Variants in THOC1 observed in about 807,000 individuals in gnomAD.
THOC1 encodes THO complex 1.
Under a neutral mutation model 97.3 loss-of-function variants are expected in THOC1, and 29 were observed. The ratio of observed to expected loss-of-function variants is 0.30; its 90% CI spans 0.22 to 0.41. The LOEUF (loss-of-function observed/expected upper bound fraction) is 0.41, where lower values mean the gene tolerates loss of function less well. THOC1 is among the 10% of genes least tolerant of loss of function. THOC1 has a pLI of 1.00. For missense variants in THOC1, 529 were observed against 761.9 expected (o/e 0.69, Z 3.60); for synonymous variants, 255 against 257.0 (o/e 0.99, Z 0.07).
In THOC1 at chr18:242,000, A is replaced by AC. The variant is rs1296405003; in HGVS notation, c.918+4323dup. Among the ~76,000 whole-genome samples the AC allele has an allele frequency of 1.2e-4, 19 of 152,202 alleles. 1 individual carries two copies. Among genetic ancestry groups the AC allele is most frequent in the Admixed American group, 9.2e-4 (14 of 15,288 alleles). On this transcript the variant is annotated intron_variant, in intron 11 of 20. Coordinates refer to ENST00000261600, the MANE Select transcript of THOC1 (RefSeq NM_005131.3). ...TTTGCTCTGCTAAAAAGGGAACTAT[A>AC]CTGTTGGGCACTAGTATTCAGAATC...
rs1911945325 is a variant in THOC1 at position 242,570 on chromosome 18, C to T, written c.918+3754G>A. 6.6e-6 allele frequency among the ~76,000 whole-genome samples: 1 copy of T among 152,178 alleles called. No homozygotes were observed. The highest frequency in any genetic ancestry group is 1.5e-5 in the Non-Finnish European group (1 of 68,036). On this transcript the variant is annotated intron_variant, in intron 11 of 20. Coordinates refer to ENST00000261600, the MANE Select transcript of THOC1 (RefSeq NM_005131.3). The surrounding 1 kb of genome is among the most constrained non-coding windows in gnomAD (Gnocchi z 4.5). ...GGATAATATTCCCATTGGATGGGGT[C>T]ACGGCTCTATTACAGAGATGAAAGA... is the stretch of plus-strand genomic sequence containing the variant.
Position 251,121 on chromosome 18 carries a change from C to T in THOC1, c.677+1418G>A, listed in dbSNP as rs564009385. 6.6e-5 allele frequency among the ~76,000 whole-genome samples: 10 copies of T among 152,264 alleles called. 1 individual carries two copies. In the East Asian group the frequency reaches 1.2e-3, roughly 18 times the overall value. The stretch of plus-strand genomic sequence containing the variant: ...GCCTTAATAGACTATTTCTGATCAT[C>T]GTCTTATTTAATCCTCTTAACTGTA... On this transcript the variant is annotated intron_variant, in intron 9 of 20. Coordinates refer to ENST00000261600, the MANE Select transcript of THOC1 (RefSeq NM_005131.3).
rs1231955436 is a variant in THOC1 at position 242,446 on chromosome 18, A to AG, written c.918+3877_918+3878insC. ...TGGGCCAAAAAAAAAGTGTCTCAAA[A>AG]AAAAAAAAAAAGTTTGTATCATCCT... On this transcript the variant is annotated intron_variant, in intron 11 of 20. Transcript: ENST00000261600. This position sits in a 1 kb window ranked among gnomAD's most constrained non-coding sequence, Gnocchi z 4.5. Among the ~76,000 whole-genome samples, 3 of 152,018 alleles carry AG rather than the reference A, an allele frequency of 2.0e-5. No homozygotes were observed. The highest frequency in any genetic ancestry group is 1.3e-4 in the Admixed American group (2 of 15,276).
intron 11 of THOC1, among the ~76,000 whole-genome samples, chr18:238,542 C>T (rs1157039996): frequency 6.6e-6 from 1 of 152,176 alleles, no homozygotes; most frequent in African/African-American, 2.4e-5. Flanking sequence ...TCCTGGGCTA[C>T]GAACCTGTAG....
intron 11 of THOC1, among the ~76,000 whole-genome samples, chr18:240,447 TTCTA>T (rs199878891): frequency 3.6e-4 from 55 of 152,336 alleles, no homozygotes; most frequent in African/African-American, 1.0e-3. Flanking sequence ...TAAAGAACTG[TTCTA>T]TCTGTCAGGA....
chr18:226,676 C>A, intron 12 of THOC1, 125 bp downstream of exon 12: 1 of 624,312 alleles, frequency 1.6e-6, no homozygotes, highest in Admixed American at 3.0e-5. Context: ...GTATCAGCTG[C>A]AATACATGTG....
At chr18:243,465 G>C (rs890449632) in intron 11 of THOC1, among the ~76,000 whole-genome samples, 2 of 151,912 alleles carry the variant, frequency 1.3e-5, no homozygotes, top group African/African-American at 4.8e-5. Context: ...TTAAACCCAG[G>C]TGGCAGAGGT....
In THOC1 at chr18:226,887, T is replaced by C. The variant is rs1242574921; in HGVS notation, c.933A>G (p.Gln311=). 1 of 1,609,398 alleles carries C rather than the reference T, an allele frequency of 6.2e-7. No individual in the cohort carries two copies. The highest frequency in any genetic ancestry group is 1.3e-5 in the African/African-American group (1 of 74,898). The change falls in exon 12 of 21, where the codon CAA becomes CAG. Residue 311 remains glutamine, a synonymous_variant. Transcript: ENST00000261600. ...GTCGACGAAAGTTACTGTCACTCAG[T>C]TGTAAATCCATCAGCTACTCAAGAA... ...FLTSEKLMDL[Q]LSDSNFRRHI...
intron 18 of THOC1, 107 bp from the exon 19 acceptor site, chr18:216,740 G>A (rs1910905350): frequency 2.2e-6 from 3 of 1,355,330 alleles, no homozygotes; most frequent in Admixed American, 6.4e-5. Context: ...ATAGCTCAAA[G>A]TGCCATTCTT....
intron 4 of THOC1, 114 bp from the exon 5 acceptor site, chr18:260,418 G>T: frequency 1.5e-6 from 1 of 687,404 alleles, no homozygotes; most frequent in Non-Finnish European, 2.2e-6. Context: ...CTCATAACAA[G>T]GTTTTAAAAG....
At chr18:224,486 T>TA (rs1307555106) in intron 15 of THOC1, among the ~76,000 whole-genome samples, 1 of 150,244 alleles carries the variant, frequency 6.7e-6, no homozygotes, top group African/African-American at 2.5e-5. Flanking sequence ...GGCTGAGGCA[T>TA]GAGAATCGCT....
chr18:263,738 C>T (rs554898052), intron 4 of THOC1: 1 of 277,762 alleles, frequency 3.6e-6, no homozygotes, highest in African/African-American at 2.2e-5. Flanking sequence ...CATTGAATCT[C>T]CAGGTCCTAG....
At position 252,598 on chromosome 18, in the gene THOC1, T is replaced by C. The variant is rs374729355; in HGVS notation, c.618A>G (p.Arg206=). 34 of 1,607,464 alleles carry C rather than the reference T, an allele frequency of 2.1e-5. No individual in the cohort carries two copies. The highest frequency in any genetic ancestry group is 2.8e-5 in the Non-Finnish European group (33 of 1,178,000). ...STLGQKHTED[R]EEGMDVEEGE... ...CTTCTTCTACATCCATTCCTTCTTC[T>C]CTATCTTCAGTGTGCTAAATTGAAA... Residue 206 remains arginine (R), a synonymous_variant, in exon 9 of 21, where the codon AGA becomes AGG. Transcript: ENST00000261600.
intron 13 of THOC1, 24 bp from the exon 14 acceptor site, chr18:225,163 A>C: frequency 6.4e-7 from 1 of 1,556,312 alleles, no homozygotes; most frequent in Non-Finnish European, 8.7e-7. Context: ...GAATATACTA[A>C]GCTTTCAACA....
rs1255057456 is a variant in THOC1 at position 265,514 on chromosome 18, G to A, written c.71C>T (p.Ala24Val). The A allele has an allele frequency of 3.1e-6, 5 of 1,589,370 alleles. No homozygotes were observed. The South Asian group carries it at 5.8e-5, about 18-fold the overall frequency. ...RTRFTKSTRE[A>V]LNNKNIKPLL... Reference sequence around the variant, plus strand: ...TGGCTTGATGTTTTTGTTGTTCAAGGCCTCTCTGGTAGACTTCTAAAAAAA... The same window carrying A: ...TGGCTTGATGTTTTTGTTGTTCAAGACCTCTCTGGTAGACTTCTAAAAAAA... Residue 24 changes from alanine (A) to valine (V), a missense_variant, in exon 2 of 21, where the codon GCC (alanine) becomes GTC (valine). Around this residue, in one of 8 missense-constraint regions of THOC1, gnomAD observed 114 missense variants for 97.4 expected, o/e 1.17. Coordinates refer to ENST00000261600, the MANE Select transcript of THOC1 (RefSeq NM_005131.3).
At chr18:259,868 A>G (rs1242700556) in intron 5 of THOC1, 138 bp from the exon 6 acceptor site, 6 of 577,056 alleles carry the variant, frequency 1.0e-5, no homozygotes, top group Non-Finnish European at 1.5e-5. Context: ...TTTTTAAGCA[A>G]ATAACATTTT....
chr18:252,393 A>G lies in THOC1; in HGVS notation c.677+146T>C, dbSNP rs1385860798. The G allele has an allele frequency of 3.4e-5, 22 of 652,898 alleles. 1 individual carries two copies. The highest frequency in any genetic ancestry group is 5.5e-5 in the Non-Finnish European group (21 of 379,202). 40.4% of individuals were successfully genotyped at this position (652,898 alleles called of 1,614,324 possible). On this transcript the variant is annotated intron_variant, in intron 9 of 20. Coordinates refer to ENST00000261600, the MANE Select transcript of THOC1 (RefSeq NM_005131.3). ...AAAGCCCATTAGTGATTTACGATTT[A>G]TTAAGTAATATACATGAAAATTACA... is the stretch of plus-strand genomic sequence containing the variant.
rs370003364 is a variant in THOC1, at chr18:259,193, C to T, written c.507G>A (p.Leu169=). 5 of 1,610,772 alleles carry T rather than the reference C, an allele frequency of 3.1e-6. No individual in the cohort carries two copies. Among genetic ancestry groups the T allele is most frequent in the Admixed American group, 3.4e-5 (2 of 59,564 alleles). ...IQLFLARLFP[L]SEKSGLNLQS... ...ATAAAAGCTTACCTGATTTCTCAGA[C>T]AGAGGGAAAAGCCTGGCCAAAAAGA... is the stretch of plus-strand genomic sequence containing the variant. The change falls in exon 7 of 21, where the codon CTG becomes CTA. Residue 169 remains leucine, a synonymous_variant. Coordinates refer to ENST00000261600, the MANE Select transcript of THOC1 (RefSeq NM_005131.3).
chr18:234,824 CATTCT>C (rs976963634), intron 11 of THOC1, among the ~76,000 whole-genome samples: 35 of 152,136 alleles, frequency 2.3e-4, no homozygotes, highest in African/African-American at 8.4e-4. Flanking sequence ...AAATAGAAAA[CATTCT>C]ATTTATATGT....
Sources: gnomAD v4.1 joint callset for allele counts (sites outside exome capture counted in the v4.1 genomes callset) on GRCh38, gnomAD v4.1.1 for gene constraint, gnomAD v4.1.1 regional missense constraint, Gnocchi (gnomAD v3.1) non-coding constraint, MANE v1.5 for transcripts, NCBI Gene and HGNC (gene_info 2026-07-23, HGNC 2026-07-21) for gene names.